ENG: variants seen among roughly 807,000 people sequenced by gnomAD.
ENG encodes the protein CD105 antigen.
In ENG, 17 loss-of-function variants were observed where a neutral mutation model predicts 71.0. The observed-to-expected ratio is 0.24, with a 90% CI of 0.16 to 0.36. ENG has a LOEUF of 0.36. Ranked by LOEUF, ENG falls within the 10% of genes least tolerant of loss-of-function variation. ENG has a pLI of 1.00. For missense variants in ENG, 749 were observed against 868.3 expected (o/e 0.86, Z 1.73); for synonymous variants, 360 against 366.9 (o/e 0.98, Z 0.21).
rs749783431 is a variant in ENG at position 127,826,604 on chromosome 9, C to T, written c.429G>A (p.Lys143=). 1 of 1,614,078 alleles carries T rather than the reference C, an allele frequency of 6.2e-7. No homozygotes were observed. The highest frequency in any genetic ancestry group is 8.5e-7 in the Non-Finnish European group (1 of 1,180,002). ...CAGCTGCCCACTCAAGGATCTGGGT[C>T]TTGGGGAAGGATGGCAGCTCTGTGG... ...VNTTELPSFP[K]TQILEWAAER... The change falls in exon 4 of 15, where the codon AAG becomes AAA. Residue 143 remains lysine (K), a synonymous_variant. Transcript: ENST00000373203.
At position 127,818,165 on chromosome 9, in the gene ENG, G is replaced by C. The variant is rs979666386; in HGVS notation, c.1641C>G (p.Leu547=). 1.9e-6 allele frequency: 3 copies of C among 1,614,136 alleles called. No individual in the cohort carries two copies. In the African/African-American group the frequency reaches 4.0e-5, roughly 22 times the overall value. ...TGGGACGCAGGGCTACCGTGCAGCT[G>C]AGGGTGCCGGTTTTGGGTATGGGTA... The part of the protein sequence containing the change: ...YTVPIPKTGT[L]SCTVALRPKT... Residue 547 remains leucine, a synonymous_variant, in exon 12 of 15, where the codon CTC becomes CTG. Transcript: ENST00000373203.
rs372900775 is a variant in ENG at position 127,818,230 on chromosome 9, C to T, written c.1576G>A (p.Gly526Ser). Residue 526 changes from glycine to serine, a missense_variant, in exon 12 of 15, where the codon GGT (glycine) becomes AGT (serine). By Grantham distance (56) the Gly-to-Ser change is moderately conservative. Transcript: ENST00000373203. ...CVSLLSPSPE[G>S]DPRFSFLLHF... ...AGGAGGAAGCTGAAGCGCGGGTCAC[C>T]CTCGGGGCTTGGGGACAGCAGGCTC... The T allele has an allele frequency of 6.2e-7, 1 of 1,614,068 alleles. No individual in the cohort carries two copies. The highest frequency in any genetic ancestry group is 8.5e-7 in the Non-Finnish European group (1 of 1,180,032).
chr9:127,842,424 T>A (rs1831058855), intron 2 of ENG, among the ~76,000 whole-genome samples: 1 of 151,452 alleles, frequency 6.6e-6, no homozygotes, highest in South Asian at 2.1e-4. Context: ...ATTTTTATTT[T>A]TTTATTTTTT....
chr9:127,824,190 TG>T, intron 8 of ENG, 113 bp downstream of exon 8: 1 of 1,469,730 alleles, frequency 6.8e-7, no homozygotes, highest in Non-Finnish European at 9.5e-7. Context: ...AACTAAGGCT[TG>T]CAGAGGGACG....
Position 127,818,225 on chromosome 9 carries a change from G to A in ENG, c.1581C>T (p.Asp527=), listed in dbSNP as rs774162691. ...AGTGGAGGAGGAAGCTGAAGCGCGG[G>A]TCACCCTCGGGGCTTGGGGACAGCA... ...VSLLSPSPEG[D]PRFSFLLHFY... is the part of the protein sequence containing the mutation. The change falls in exon 12 of 15, where the codon GAC becomes GAT. Residue 527 remains aspartate (D), a synonymous_variant. Transcript: ENST00000373203. The A allele has an allele frequency of 6.2e-7, 1 of 1,614,186 alleles. No homozygotes were observed. The highest frequency in any genetic ancestry group is 1.1e-5 in the South Asian group (1 of 91,086).
intron 1 of ENG, among the ~76,000 whole-genome samples, chr9:127,850,884 CTAAATATT>C (rs1320650970): frequency 6.6e-6 from 1 of 152,188 alleles, no homozygotes; most frequent in East Asian, 1.9e-4. Flanking sequence ...GGGAAACCAC[CTAAATATT>C]TAACAATAAG....
chr9:127,845,326 A>T (rs1831143141), intron 1 of ENG, among the ~76,000 whole-genome samples: 1 of 152,216 alleles, frequency 6.6e-6, no homozygotes. Flanking sequence ...AAGTCAGCAA[A>T]GGAAGTGAGA....
Position 127,849,614 on chromosome 9 carries a change from G to A in ENG, c.67+4675C>T, listed in dbSNP as rs76837857. On this transcript the variant is annotated intron_variant, in intron 1 of 14. Coordinates refer to ENST00000373203, the MANE Select transcript of ENG (RefSeq NM_001114753.3). ...TGAAGGCAGGAGGAAGACAGAGCAGGGCATAGATGGGGCTGCTGAAGGTAA... is the reference window on the plus strand; with the variant it reads ...TGAAGGCAGGAGGAAGACAGAGCAGAGCATAGATGGGGCTGCTGAAGGTAA... Among the ~76,000 whole-genome samples the A allele has an allele frequency of 7.4e-4, 112 of 152,306 alleles. No homozygotes were observed. In the East Asian group the frequency reaches 0.019, roughly 26 times the overall value.
At chr9:127,839,094 C>T (rs1203311005) in intron 2 of ENG, among the ~76,000 whole-genome samples, 1 of 152,162 alleles carries the variant, frequency 6.6e-6, no homozygotes, top group Non-Finnish European at 1.5e-5. Context: ...ATGCCCTCTA[C>T]CCTGCTCTTG....
At position 127,838,714 on chromosome 9, in the gene ENG, G is replaced by A. The variant is rs939759463; in HGVS notation, c.219+4380C>T. On this transcript the variant is annotated intron_variant, in intron 2 of 14. Coordinates refer to ENST00000373203, the MANE Select transcript of ENG (RefSeq NM_001114753.3). The surrounding 1 kb of genome is among the most constrained non-coding windows in gnomAD (Gnocchi z 4.3). ...CTGACGGGAATTGCTGAGACACCAG[G>A]CTGGTTTCCTGTCTCCGAGGGTCAG... Among the ~76,000 whole-genome samples the A allele has an allele frequency of 6.6e-6, 1 of 152,154 alleles. No individual in the cohort carries two copies. Among genetic ancestry groups the A allele is most frequent in the Non-Finnish European group, 1.5e-5 (1 of 68,032 alleles).
intron 5 of ENG, 67 bp downstream of exon 5, chr9:127,825,628 C>T (rs867035536): frequency 9.3e-7 from 1 of 1,079,834 alleles, no homozygotes; most frequent in Non-Finnish European, 1.2e-6. Context: ...GGAGAGGGGG[C>T]GGGGGGGGTC....
At chr9:127,844,581 C>T (rs1206814225) in intron 1 of ENG, among the ~76,000 whole-genome samples, 1 of 152,084 alleles carries the variant, frequency 6.6e-6, no homozygotes, top group African/African-American at 2.4e-5. Flanking sequence ...AGGCATGCAC[C>T]ACCACATCCA....
intron 12 of ENG, 91 bp downstream of exon 12, chr9:127,818,029 C>T: frequency 6.3e-7 from 1 of 1,598,908 alleles, no homozygotes; most frequent in Non-Finnish European, 8.5e-7. Context: ...CCAGCTGGCC[C>T]CACATCCCTG....
chr9:127,824,166 T>C (rs959155421), intron 8 of ENG, 138 bp downstream of exon 8: 4 of 1,236,256 alleles, frequency 3.2e-6, no homozygotes, highest in South Asian at 1.3e-5. Flanking sequence ...TCAATTCCAT[T>C]ATACAAGTGG....
intron 13 of ENG, 104 bp downstream of exon 13, chr9:127,817,045 C>T: frequency 1.5e-6 from 2 of 1,358,962 alleles, no homozygotes; most frequent in East Asian, 2.3e-5. Flanking sequence ...TGGGGTCCCC[C>T]TTGCCATGTG....
intron 2 of ENG, among the ~76,000 whole-genome samples, chr9:127,835,088 C>T (rs1193612354): frequency 6.6e-6 from 1 of 151,984 alleles, no homozygotes; most frequent in African/African-American, 2.4e-5. Flanking sequence ...AACTTCCGCC[C>T]CTCAGGCTCA....
chr9:127,830,471 C>T (rs983194029), intron 2 of ENG, among the ~76,000 whole-genome samples: 1 of 151,794 alleles, frequency 6.6e-6, no homozygotes, highest in Non-Finnish European at 1.5e-5. Flanking sequence ...GGTGAAACCC[C>T]GTCTTTACTA....
At chr9:127,835,027 G>C (rs977190729) in intron 2 of ENG, among the ~76,000 whole-genome samples, 1 of 151,318 alleles carries the variant, frequency 6.6e-6, no homozygotes, top group African/African-American at 2.4e-5. Context: ...TTTAAGACAG[G>C]GTCTCCCTCT....
chr9:127,825,879 C>T lies in ENG; in HGVS notation c.524-19G>A. 6.4e-7 allele frequency: 1 copy of T among 1,573,828 alleles called. No homozygotes were observed. The highest frequency in any genetic ancestry group is 1.2e-5 in the South Asian group (1 of 85,894). ...CCCTGGGCTGCAGAGACACGCGCAC[C>T]TCAGTCCCTTCCCTCAGCAGCCCTG... On this transcript the variant is annotated intron_variant, in intron 4 of 14. Coordinates refer to ENST00000373203, the MANE Select transcript of ENG (RefSeq NM_001114753.3).
Sources: allele counts gnomAD v4.1 joint callset (sites outside exome capture counted in the v4.1 genomes callset), GRCh38; gene constraint gnomAD v4.1.1; non-coding constraint Gnocchi (gnomAD v3.1); transcripts MANE v1.5; gene names NCBI Gene and HGNC (gene_info 2026-07-23, HGNC 2026-07-21).